PALD1: variants seen among roughly 807,000 people sequenced by gnomAD.
PALD1 encodes the protein paladin.
Under a neutral mutation model 96.0 loss-of-function variants are expected in PALD1, and 57 were observed. That is an observed-to-expected ratio of 0.59 (90% CI 0.48 to 0.74). PALD1 has a LOEUF of 0.74. Ranked by LOEUF, PALD1 falls within the 30% of genes least tolerant of loss-of-function variation. The pLI, the probability that PALD1 is intolerant of heterozygous loss-of-function variation, is 0.00. For missense variants in PALD1, 1,063 were observed against 1,143.7 expected, an observed-to-expected ratio of 0.93 and a Z score of 1.02; for synonymous variants, 464 against 473.6, an observed-to-expected ratio of 0.98 and a Z score of 0.26.
chr10:70,467,020 G>A, the PALD1 span, among the ~76,000 whole-genome samples: 2 of 152,308 alleles, frequency 1.3e-5, no homozygotes, highest in African/African-American at 4.8e-5. Context: ...CCTCTTCAGA[G>A]ACTTGAAGTG....
chr10:70,561,473 C>T (rs374805814), intron 18 of PALD1, among the ~76,000 whole-genome samples: 1 of 152,202 alleles, frequency 6.6e-6, no homozygotes, highest in Admixed American at 6.5e-5. Flanking sequence ...CATTGTGGCG[C>T]AGACCGTCCA....
In PALD1 at chr10:70,538,370, C is replaced by T. The variant is rs1480106859; in HGVS notation, c.1414C>T (p.Pro472Ser). 17 of 1,611,224 alleles carry T rather than the reference C, an allele frequency of 1.1e-5. No individual in the cohort carries two copies. The highest frequency in any genetic ancestry group is 4.0e-5 in the African/African-American group (3 of 74,948). ...RLPVTLSSAG[P>S]VAPRDLIARG... is the part of the protein sequence containing the mutation. ...GCCCGTGACGCTGAGCTCAGCAGGC[C>T]CTGTGGCTCCGAGGGACCTCATCGC... is the stretch of plus-strand genomic sequence containing the variant. The change falls in exon 12 of 20, where the codon CCT becomes TCT. Residue 472 changes from proline to serine, a missense_variant. By Grantham distance (74) the Pro-to-Ser change is moderately conservative. Transcript: ENST00000263563.
At position 70,540,106 on chromosome 10, in the gene PALD1, A is replaced by G. The variant is rs1847211639; in HGVS notation, c.1908+344A>G. Among the ~76,000 whole-genome samples, 1 of 151,230 alleles carries G rather than the reference A, an allele frequency of 6.6e-6. No individual in the cohort carries two copies. Among genetic ancestry groups the G allele is most frequent in the African/African-American group, 2.4e-5 (1 of 41,036 alleles). On this transcript the variant is annotated intron_variant, in intron 15 of 19. Transcript: ENST00000263563. This position sits in a 1 kb window ranked among gnomAD's most constrained non-coding sequence, Gnocchi z 4.2. ...AGGGTGTATGTGTGTGTATTGTGTT[A>G]TGGGTGTGTGTTATAGGTGTGTGTG...
At chr10:70,484,469 A>G (rs1353688061) in intron 1 of PALD1, among the ~76,000 whole-genome samples, 1 of 152,146 alleles carries the variant, frequency 6.6e-6, no homozygotes, top group Non-Finnish European at 1.5e-5. Context: ...AACAAAACCC[A>G]TATACTTTTT....
chr10:70,522,316 A>G (rs1846755640), intron 1 of PALD1, among the ~76,000 whole-genome samples: 1 of 152,188 alleles, frequency 6.6e-6, no homozygotes, highest in South Asian at 2.1e-4. Flanking sequence ...AGGATTCTCC[A>G]AGCTTGTTGA....
At position 70,561,465 on chromosome 10, in the gene PALD1, T is replaced by C. The variant is rs371326669; in HGVS notation, c.2263-2899T>C. ...GTGGGGTGGAGAGCGGCCAGTTGCA[T>C]TGTGGCGCAGACCGTCCATCCTTGC... On this transcript the variant is annotated intron_variant, in intron 18 of 19. Transcript: ENST00000263563. Among the ~76,000 whole-genome samples the C allele has an allele frequency of 7.9e-5, 12 of 152,276 alleles. No homozygotes were observed. In the South Asian group the frequency reaches 2.3e-3, roughly 29 times the overall value.
At position 70,547,453 on chromosome 10, in the gene PALD1, C is replaced by CCCCAA. The variant is rs1847391144; in HGVS notation, c.2262+11_2262+12insACCCA. On this transcript the variant is annotated splice_region_variant and intron_variant, in intron 18 of 19. Coordinates refer to ENST00000263563, the MANE Select transcript of PALD1 (RefSeq NM_014431.3). ...CATCTGCACCTACCGCCAGGTGAGC[C>CCCCAA]CCCACCCCACCCCACCCCACCCTGC... The CCCCAA allele has an allele frequency of 2.8e-6, 4 of 1,452,928 alleles. No homozygotes were observed. Among genetic ancestry groups the CCCCAA allele is most frequent in the Non-Finnish European group, 3.7e-6 (4 of 1,070,308 alleles). The allele number at this position is 1,452,928 out of a possible 1,614,324, so 90.0% of individuals were successfully genotyped here.
Position 70,564,402 on chromosome 10 carries a change from G to A in PALD1, c.2301G>A (p.Leu767=). The change falls in exon 19 of 20, where the codon CTG becomes CTA. Residue 767 remains leucine, a synonymous_variant. Transcript: ENST00000263563. ...AAKEAQEMRR[L]QLRSLQYLER... ...AAGAGGCGCAAGAAATGCGGAGGCT[G>A]CAGCTGCGGAGCCTGCAGTACTTGG... 6.2e-7 allele frequency: 1 copy of A among 1,613,720 alleles called. No individual in the cohort carries two copies. Among genetic ancestry groups the A allele is most frequent in the East Asian group, 2.2e-5 (1 of 44,892 alleles).
chr10:70,484,008 G>T (rs143880156), intron 1 of PALD1, among the ~76,000 whole-genome samples: 2,374 of 152,164 alleles, frequency 0.016, 65 homozygotes, highest in African/African-American at 0.053. Context: ...TTTTTTGTTT[G>T]TTTGTTTTTT....
intron 10 of PALD1, among the ~76,000 whole-genome samples, chr10:70,535,577 C>T (rs952521783): frequency 7.1e-6 from 1 of 141,344 alleles, no homozygotes; most frequent in African/African-American, 2.8e-5. Context: ...CTTCCTTCCT[C>T]CTCCTTCTTC....
the PALD1 span, among the ~76,000 whole-genome samples, chr10:70,467,227 G>C: frequency 6.6e-6 from 1 of 152,066 alleles, no homozygotes; most frequent in African/African-American, 2.4e-5. Context: ...CCCCTGGGGA[G>C]CTGGAGTTAG....
chr10:70,469,343 C>T, the PALD1 span, among the ~76,000 whole-genome samples: 1 of 152,168 alleles, frequency 6.6e-6, no homozygotes, highest in African/African-American at 2.4e-5. Context: ...AACCCCTCCA[C>T]CAGTGATTCA....
chr10:70,460,237 T>C, the PALD1 span, among the ~76,000 whole-genome samples: 2 of 152,172 alleles, frequency 1.3e-5, no homozygotes, highest in East Asian at 3.9e-4. Context: ...GTGCTTCGAC[T>C]TCTCTTCTCC....
chr10:70,478,616 A>G (rs1201593343), upstream of PALD1, among the ~76,000 whole-genome samples: 1 of 151,936 alleles, frequency 6.6e-6, no homozygotes, highest in Admixed American at 6.5e-5. Flanking sequence ...CAGCCGGGGA[A>G]CGTGGCGCCC....
chr10:70,486,969 C>T (rs1846024470), intron 1 of PALD1, among the ~76,000 whole-genome samples: 1 of 151,946 alleles, frequency 6.6e-6, no homozygotes, highest in Non-Finnish European at 1.5e-5. Flanking sequence ...TCTGAATGCC[C>T]AAAGAGAAGG....
chr10:70,519,890 A>G (rs1846695107), intron 1 of PALD1, among the ~76,000 whole-genome samples: 1 of 152,078 alleles, frequency 6.6e-6, no homozygotes. Flanking sequence ...TTAGGATTTT[A>G]ACATATGAGT....
intron 1 of PALD1, among the ~76,000 whole-genome samples, chr10:70,493,133 T>A (rs1846127434): frequency 6.6e-6 from 1 of 152,220 alleles, no homozygotes. Context: ...CTGCTTCCTT[T>A]TTTTGAATCA....
rs1430149519 is a variant in PALD1, at chr10:70,529,938, G to C, written c.338G>C (p.Gly113Ala). Residue 113 changes from glycine (G) to alanine (A), a missense_variant, in exon 4 of 20, where the codon GGC becomes GCC. Transcript: ENST00000263563. ...GTCACTGAGAAGATGGATGTGCTGG[G>C]CACCGTGGGAAGCTGTGGGGCCCCC... is the stretch of plus-strand genomic sequence containing the variant. ...RDVTEKMDVL[G>A]TVGSCGAPNF... 3.7e-6 allele frequency: 6 copies of C among 1,613,832 alleles called. No homozygotes were observed. The African/African-American group carries it at 8.0e-5, about 22-fold the overall frequency.
chr10:70,484,255 G>A (rs967277914), intron 1 of PALD1, among the ~76,000 whole-genome samples: 16 of 152,218 alleles, frequency 1.1e-4, no homozygotes, highest in African/African-American at 3.9e-4. Context: ...TGCCTGCCTT[G>A]GCCTCCCAAA....
Sources: allele counts gnomAD v4.1 joint callset (sites outside exome capture counted in the v4.1 genomes callset), GRCh38; gene constraint gnomAD v4.1.1; non-coding constraint Gnocchi (gnomAD v3.1); transcripts MANE v1.5; gene names NCBI Gene and HGNC (gene_info 2026-07-23, HGNC 2026-07-21).